The following CAMLG variants were observed in gnomAD, a reference collection of about 807,000 sequenced individuals.
CAMLG encodes guided entry of tail-anchored proteins factor CAMLG.
A neutral mutation model predicts 28.9 loss-of-function variants in CAMLG; 23 were observed. The observed-to-expected ratio is 0.80, with a 90% confidence interval of 0.57 to 1.13. The LOEUF (loss-of-function observed/expected upper bound fraction) is 1.13. CAMLG is among the 50% of genes most tolerant of loss of function. CAMLG has a pLI of 0.00. For synonymous variants in CAMLG, 141 were observed against 146.5 expected, an observed-to-expected ratio of 0.96 and a Z score of 0.27; for missense variants, 367 against 371.9, an observed-to-expected ratio of 0.99 and a Z score of 0.11.
At chr5:134,740,626 A>G (rs246350) in intron 1 of CAMLG, among the ~76,000 whole-genome samples, 150,840 of 152,240 alleles carry the variant, frequency 0.99, 74,739 homozygotes, top group East Asian at 1. Context: ...ATGGAGTCTC[A>G]CTCTGTCGCC....
chr5:134,738,855 C>T (rs1561841163), intron 1 of CAMLG, 63 bp downstream of exon 1: 3 of 1,476,662 alleles, frequency 2.0e-6, no homozygotes, highest in Non-Finnish European at 2.8e-6. Context: ...GGTCATTCTT[C>T]CCTCTCCCAC....
intron 1 of CAMLG, among the ~76,000 whole-genome samples, chr5:134,740,076 G>C (rs1317522883): frequency 6.6e-6 from 1 of 151,954 alleles, no homozygotes; most frequent in Non-Finnish European, 1.5e-5. Context: ...GAGATGGGGG[G>C]GTCTCACTAT....
intron 3 of CAMLG, among the ~76,000 whole-genome samples, chr5:134,746,076 TGTG>T (rs1306767680): frequency 5.5e-5 from 8 of 146,644 alleles, no homozygotes; most frequent in African/African-American, 2.0e-4. Flanking sequence ...AGGTGGAGGT[TGTG>T]GTGAGCCGAG....
intron 2 of CAMLG, 85 bp downstream of exon 2, chr5:134,741,608 C>T (rs1205656350): frequency 2.4e-6 from 2 of 832,046 alleles, no homozygotes; most frequent in Admixed American, 2.3e-5. Context: ...TCATAGAAGT[C>T]ATTGCCAGTA....
chr5:134,743,641 G>A lies in CAMLG; in HGVS notation c.634-346G>A, dbSNP rs1034195625. Among the ~76,000 whole-genome samples, 10 of 152,020 alleles carry A rather than the reference G, an allele frequency of 6.6e-5. No individual in the cohort carries two copies. In the South Asian group the frequency reaches 8.3e-4, roughly 13 times the overall value. ...CCAGCATGTTGGGAGGCCGAGGTGG[G>A]TGGATCACGAGGTCAGGAGTTCTAG... On this transcript the variant is annotated intron_variant, in intron 2 of 3. Coordinates refer to ENST00000297156, the MANE Select transcript of CAMLG (RefSeq NM_001745.4).
At position 134,750,802 on chromosome 5, in the gene CAMLG, T is replaced by C. The variant is rs1195081736; in HGVS notation, c.743T>C (p.Leu248Pro). 1 of 1,613,930 alleles carries C rather than the reference T, an allele frequency of 6.2e-7. No homozygotes were observed. Among genetic ancestry groups the C allele is most frequent in the South Asian group, 1.1e-5 (1 of 91,088 alleles). ...ACAACAGTACTAACAGCTGCACTTCTATTGTCGGGAATTCCTGCCGAAGTG... is the reference window on the plus strand; with the variant it reads ...ACAACAGTACTAACAGCTGCACTTCCATTGTCGGGAATTCCTGCCGAAGTG... Reference protein sequence around the residue: ...IKTTVLTAALLLSGIPAEVIN... With the variant: ...IKTTVLTAALPLSGIPAEVIN... Residue 248 changes from leucine (L) to proline (P), a missense_variant, in exon 4 of 4, where the codon CTA becomes CCA. Coordinates refer to ENST00000297156, the MANE Select transcript of CAMLG (RefSeq NM_001745.4).
At chr5:134,744,527 CAA>C (rs751658223) in intron 3 of CAMLG, among the ~76,000 whole-genome samples, 12 of 60,600 alleles carry the variant, frequency 2.0e-4, no homozygotes, top group Middle Eastern at 8.8e-3. Context: ...ACTCTGTCTC[CAA>C]AAAAAAAAAA....
At chr5:134,739,446 C>T (rs1406428643) in intron 1 of CAMLG, among the ~76,000 whole-genome samples, 1 of 152,188 alleles carries the variant, frequency 6.6e-6, no homozygotes, top group African/African-American at 2.4e-5. Context: ...TGAGAGTTTC[C>T]TCTCCTCATG....
rs1194465438 is a variant in CAMLG, at chr5:134,741,479, G to A, written c.589G>A (p.Ala197Thr). 1 of 1,613,370 alleles carries A rather than the reference G, an allele frequency of 6.2e-7. No individual in the cohort carries two copies. The highest frequency in any genetic ancestry group is 8.5e-7 in the Non-Finnish European group (1 of 1,179,382). ...SFRIFRLVGC[A>T]LLALGVRAFV... ...TCGAATATTTAGATTGGTGGGATGT[G>A]CTCTTCTTGCTCTTGGAGTCAGAGC... The change falls in exon 2 of 4, where the codon GCT becomes ACT. Residue 197 changes from alanine to threonine, a missense_variant. Coordinates refer to ENST00000297156, the MANE Select transcript of CAMLG (RefSeq NM_001745.4).
At chr5:134,745,535 T>A (rs1753036704) in intron 3 of CAMLG, among the ~76,000 whole-genome samples, 1 of 151,690 alleles carries the variant, frequency 6.6e-6, no homozygotes, top group African/African-American at 2.4e-5. Context: ...GTGGATCACC[T>A]GAGGTCAGGA....
At chr5:134,740,262 T>C (rs1472674593) in intron 1 of CAMLG, among the ~76,000 whole-genome samples, 3 of 152,296 alleles carry the variant, frequency 2.0e-5, no homozygotes, top group Admixed American at 6.5e-5. Flanking sequence ...TGCCTACTAA[T>C]GGCTGCCTGA....
intron 3 of CAMLG, among the ~76,000 whole-genome samples, chr5:134,747,174 T>C (rs758719095): frequency 3.3e-5 from 5 of 152,164 alleles, no homozygotes; most frequent in Non-Finnish European, 7.3e-5. Context: ...AATTAACATC[T>C]TATTATATTA....
At chr5:134,749,202 G>T (rs2150122508) in intron 3 of CAMLG, among the ~76,000 whole-genome samples, 1 of 151,856 alleles carries the variant, frequency 6.6e-6, no homozygotes, top group African/African-American at 2.4e-5. Flanking sequence ...CAAGTAGCTT[G>T]GATTACAGGC....
intron 1 of CAMLG, among the ~76,000 whole-genome samples, chr5:134,740,544 A>G (rs1351761222): frequency 2.0e-5 from 3 of 152,104 alleles, no homozygotes; most frequent in Non-Finnish European, 4.4e-5. Context: ...CCTCTGCAGA[A>G]TATTCATTTT....
At chr5:134,741,039 A>G in intron 1 of CAMLG, 24 bp from the exon 2 acceptor site, 2 of 1,531,992 alleles carry the variant, frequency 1.3e-6, no homozygotes, top group Non-Finnish European at 1.8e-6. Flanking sequence ...TAAATACATA[A>G]GGCTTTTACA....
In CAMLG at chr5:134,741,301, G is replaced by A; in HGVS notation, c.411G>A (p.Gly137=). 1.2e-6 allele frequency: 2 copies of A among 1,614,180 alleles called. No homozygotes were observed. Among genetic ancestry groups the A allele is most frequent in the Non-Finnish European group, 1.7e-6 (2 of 1,180,016 alleles). ...VNLELRQRNR[G]DLTADSVQRG... ...TTGAGCTCCGGCAGCGGAACAGAGG[G>A]GACCTGACAGCGGACTCGGTCCAGA... The change falls in exon 2 of 4, where the codon GGG becomes GGA. Residue 137 remains glycine (G), a synonymous_variant. Transcript: ENST00000297156.
intron 2 of CAMLG, among the ~76,000 whole-genome samples, chr5:134,742,720 A>G (rs1752999364): frequency 6.6e-6 from 1 of 152,120 alleles, no homozygotes; most frequent in Admixed American, 6.6e-5. Context: ...ATTAAAGTTT[A>G]TATCATTAAG....
Position 134,751,745 on chromosome 5 carries a change from A to G in CAMLG, c.*795A>G, listed in dbSNP as rs1753115713. The G allele has an allele frequency of 6.6e-6, 1 of 152,342 alleles. No individual in the cohort carries two copies. Among genetic ancestry groups the G allele is most frequent in the South Asian group, 2.1e-4 (1 of 4,836 alleles). The allele number at this position is 152,342 out of a possible 1,614,324, so 9.4% of individuals were successfully genotyped here. On this transcript the variant is annotated 3_prime_UTR_variant, in exon 4 of 4. Transcript: ENST00000297156. ...GCCCAGGCTAGAGTGCAATGGCGCC[A>G]TCTCGGCTCACCGCAACCTCCACCT...
intron 2 of CAMLG, among the ~76,000 whole-genome samples, chr5:134,742,585 A>T (rs181218275): frequency 6.6e-6 from 1 of 152,256 alleles, no homozygotes; most frequent in Non-Finnish European, 1.5e-5. Flanking sequence ...TGATGTAGTC[A>T]TTTTGTTTTA....
Sources: gnomAD v4.1 joint callset for allele counts (sites outside exome capture counted in the v4.1 genomes callset) on GRCh38, gnomAD v4.1.1 for gene constraint, MANE v1.5 for transcripts, NCBI Gene and HGNC (gene_info 2026-07-23, HGNC 2026-07-21) for gene names.